Variants in AP5M1 observed in about 807,000 individuals in gnomAD.
AP5M1 encodes adaptor related protein complex 5 subunit mu 1.
AP5M1 carries 44 observed loss-of-function variants against 52.3 expected under a neutral mutation model. The observed-to-expected ratio is 0.84, with a 90% confidence interval of 0.66 to 1.08. The LOEUF is 1.08. Ranked by LOEUF, AP5M1 falls within the 50% of genes least tolerant of loss-of-function variation. The pLI, the probability that AP5M1 is intolerant of heterozygous loss-of-function variation, is 0.00. For synonymous variants in AP5M1, 213 were observed against 199.0 expected, an observed-to-expected ratio of 1.07 and a Z score of -0.59; for missense variants, 526 against 568.4, an observed-to-expected ratio of 0.93 and a Z score of 0.76.
chr14:57,283,060 A>G (rs201222367), intron 5 of AP5M1, 41 bp downstream of exon 5: 2 of 1,567,072 alleles, frequency 1.3e-6, no homozygotes. Context: ...CTTTTCATTT[A>G]CTGTAGAATC....
intron 2 of AP5M1, among the ~76,000 whole-genome samples, chr14:57,279,749 C>T (rs1885127881): frequency 6.6e-6 from 1 of 152,030 alleles, no homozygotes; most frequent in African/African-American, 2.4e-5. Context: ...ACAGGTAATA[C>T]AGAATTGAAG....
In AP5M1 at chr14:57,297,870, A is replaced by G. The variant is rs1389402212; in HGVS notation, c.*8986A>G. On this transcript the variant is annotated 3_prime_UTR_variant, in exon 8 of 8. Transcript: ENST00000261558. Reference sequence around the variant, plus strand: ...AGTAATTAGGGTTTTGCATGTGTATATAGAAAGGCTATTTTGCAAACAGTG... The same window carrying G: ...AGTAATTAGGGTTTTGCATGTGTATGTAGAAAGGCTATTTTGCAAACAGTG... The G allele has an allele frequency of 6.6e-6, 1 of 152,200 alleles. No homozygotes were observed. The highest frequency in any genetic ancestry group is 2.4e-5 in the African/African-American group (1 of 41,462). The allele number at this position is 152,200 out of a possible 1,614,324, so 9.4% of individuals were successfully genotyped here.
rs1156796744 is a variant in AP5M1, at chr14:57,280,414, A to G, written c.940A>G (p.Thr314Ala). 2.5e-6 allele frequency: 4 copies of G among 1,605,254 alleles called. No homozygotes were observed. The highest frequency in any genetic ancestry group is 2.2e-5 in the South Asian group (2 of 90,892). Residue 314 changes from threonine (T) to alanine (A), a missense_variant, in exon 3 of 8, where the codon ACT (threonine) becomes GCT (alanine). This residue lies in a region of AP5M1 where 425 missense variants were observed against 430.6 expected (regional missense o/e 0.99). Transcript: ENST00000261558. ...PLESFNLCFY[T>A]SQVPVPPILG... Reference sequence around the variant, plus strand: ...AGAGTCATTCAACTTATGCTTCTACACTTCCCAGGTAACAACCCTAGAATA... The same window carrying G: ...AGAGTCATTCAACTTATGCTTCTACGCTTCCCAGGTAACAACCCTAGAATA...
At chr14:57,275,878 C>T (rs181731415) in intron 2 of AP5M1, among the ~76,000 whole-genome samples, 10 of 152,298 alleles carry the variant, frequency 6.6e-5, no homozygotes, top group African/African-American at 2.2e-4. Context: ...TCCAGGTAAA[C>T]TTCCTACAAG....
chr14:57,285,557 A>C (rs892078969), intron 6 of AP5M1, among the ~76,000 whole-genome samples: 1 of 152,174 alleles, frequency 6.6e-6, no homozygotes, highest in Non-Finnish European at 1.5e-5. Context: ...AAAATTGCTG[A>C]GAAGATCTGA....
Position 57,296,507 on chromosome 14 carries a change from C to T in AP5M1, c.*7623C>T, listed in dbSNP as rs1209487036. The stretch of plus-strand genomic sequence containing the variant: ...TGTCAATAATCAAAAAATGTTTAAT[C>T]TAAAATAAAGTAGATGCCACGCTTC... On this transcript the variant is annotated 3_prime_UTR_variant, in exon 8 of 8. Coordinates refer to ENST00000261558, the MANE Select transcript of AP5M1 (RefSeq NM_018229.4). 1 of 151,988 alleles carries T rather than the reference C, an allele frequency of 6.6e-6. No homozygotes were observed. Among genetic ancestry groups the T allele is most frequent in the Non-Finnish European group, 1.5e-5 (1 of 67,956 alleles). 9.4% of individuals were successfully genotyped at this position (151,988 alleles called of 1,614,324 possible).
chr14:57,270,541 G>A (rs1016661070), intron 1 of AP5M1, among the ~76,000 whole-genome samples: 3 of 152,094 alleles, frequency 2.0e-5, no homozygotes, highest in Admixed American at 1.3e-4. Context: ...TGTTCCTGAG[G>A]GCATCAGAGT....
At position 57,274,430 on chromosome 14, in the gene AP5M1, G is replaced by A; in HGVS notation, c.261G>A (p.Leu87=). 1 of 1,614,170 alleles carries A rather than the reference G, an allele frequency of 6.2e-7. No individual in the cohort carries two copies. Residue 87 remains leucine (L), a synonymous_variant, in exon 2 of 8, where the codon CTG becomes CTA. Coordinates refer to ENST00000261558, the MANE Select transcript of AP5M1 (RefSeq NM_018229.4). ...ATAAAACATCCATTTATGGACTCCT[G>A]ATAGGAGGTGAAGAACTCTGGCCAG... ...RINKTSIYGL[L]IGGEELWPVV...
chr14:57,287,457 A>G (rs1158164931), intron 7 of AP5M1, among the ~76,000 whole-genome samples: 1 of 152,078 alleles, frequency 6.6e-6, no homozygotes, highest in East Asian at 1.9e-4. Context: ...TTTCTCTTAC[A>G]TCATTTTTTT....
At chr14:57,285,645 G>A (rs1372909145) in intron 6 of AP5M1, among the ~76,000 whole-genome samples, 1 of 152,066 alleles carries the variant, frequency 6.6e-6, no homozygotes, top group African/African-American at 2.4e-5. Context: ...GAAAATTAGC[G>A]CAGCTCATTC....
At chr14:57,273,110 G>T (rs907564727) in intron 1 of AP5M1, among the ~76,000 whole-genome samples, 3 of 151,790 alleles carry the variant, frequency 2.0e-5, no homozygotes, top group Admixed American at 2.0e-4. Context: ...CAGCTAATTT[G>T]TGTATTTTTA....
Position 57,269,074 on chromosome 14 carries a change from A to G in AP5M1, c.-241A>G. ...TACCGGAGTTGCAGGGTATAGGTAAATTTCTCAAGGTTATAGGTTGGGGTT... is the reference window on the plus strand; with the variant it reads ...TACCGGAGTTGCAGGGTATAGGTAAGTTTCTCAAGGTTATAGGTTGGGGTT... On this transcript the variant is annotated 5_prime_UTR_variant, in exon 1 of 8. Transcript: ENST00000261558. 5.3e-6 allele frequency: 3 copies of G among 567,408 alleles called. No homozygotes were observed. The highest frequency in any genetic ancestry group is 2.3e-5 in the South Asian group (1 of 42,992). 35.1% of individuals were successfully genotyped at this position (567,408 alleles called of 1,614,324 possible).
At chr14:57,285,759 A>G (rs1416403927) in intron 6 of AP5M1, among the ~76,000 whole-genome samples, 1 of 152,212 alleles carries the variant, frequency 6.6e-6, no homozygotes, top group Non-Finnish European at 1.5e-5. Context: ...GATCTAGAAT[A>G]TATCATAGCC....
rs1885139274 is a variant in AP5M1, at chr14:57,280,265, A to G, written c.791A>G (p.Gln264Arg). Residue 264 changes from glutamine to arginine, a missense_variant, in exon 3 of 8, where the codon CAG becomes CGG. This residue lies in a region of AP5M1 where 425 missense variants were observed against 430.6 expected (regional missense o/e 0.99). Coordinates refer to ENST00000261558, the MANE Select transcript of AP5M1 (RefSeq NM_018229.4). ...CTCCCCACCAATGGATCTCCACTTC[A>G]GGATATTCTAGTTCACCCTTGTGTA... ...LSLPTNGSPL[Q>R]DILVHPCVTS... The G allele has an allele frequency of 1.9e-6, 3 of 1,613,994 alleles. No homozygotes were observed. In the African/African-American group the frequency reaches 4.0e-5, roughly 22 times the overall value.
chr14:57,284,657 A>C (rs1270570401), intron 6 of AP5M1, among the ~76,000 whole-genome samples: 1 of 152,190 alleles, frequency 6.6e-6, no homozygotes, highest in Admixed American at 6.5e-5. Context: ...AGAGACAAGG[A>C]ATGGTGTTGT....
At position 57,269,134 on chromosome 14, in the gene AP5M1, C is replaced by G. The variant is rs1453091705; in HGVS notation, c.-181C>G. On this transcript the variant is annotated 5_prime_UTR_variant, in exon 1 of 8. Transcript: ENST00000261558. ...TTTTGTGGTGTGTGTTGGCCTAGAG[C>G]GACTCAGAAGCGTTAGTGACTTCAC... 2 of 612,888 alleles carry G rather than the reference C, an allele frequency of 3.3e-6. No individual in the cohort carries two copies. Among genetic ancestry groups the G allele is most frequent in the Non-Finnish European group, 5.8e-6 (2 of 347,106 alleles). 38.0% of individuals were successfully genotyped at this position (612,888 alleles called of 1,614,324 possible).
intron 2 of AP5M1, among the ~76,000 whole-genome samples, chr14:57,276,562 T>C (rs1016831714): frequency 2.8e-4 from 42 of 150,806 alleles, no homozygotes; most frequent in African/African-American, 9.7e-4. Flanking sequence ...GTAACAGAGC[T>C]ATACTCTGTC....
rs1885138487 is a variant in AP5M1, at chr14:57,280,244, C to T, written c.770C>T (p.Pro257Leu). Residue 257 changes from proline to leucine, a missense_variant, in exon 3 of 8, where the codon CCC (proline) becomes CTC (leucine). Pro to Leu is a moderately conservative substitution (Grantham distance 98). This residue lies in a region of AP5M1 where 425 missense variants were observed against 430.6 expected (regional missense o/e 0.99). Transcript: ENST00000261558. The stretch of plus-strand genomic sequence containing the variant: ...AATGTTACCATCAGCTTGAGTCTCC[C>T]CACCAATGGATCTCCACTTCAGGAT... ...MPNVTISLSL[P>L]TNGSPLQDIL... 5 of 1,614,012 alleles carry T rather than the reference C, an allele frequency of 3.1e-6. No homozygotes were observed. Among genetic ancestry groups the T allele is most frequent in the Non-Finnish European group, 4.2e-6 (5 of 1,179,982 alleles).
Position 57,283,095 on chromosome 14 carries a change from G to C in AP5M1, c.1175-17G>C, listed in dbSNP as rs761332373. On this transcript the variant is annotated splice_polypyrimidine_tract_variant and intron_variant, in intron 5 of 7. Coordinates refer to ENST00000261558, the MANE Select transcript of AP5M1 (RefSeq NM_018229.4). ...CTACTTAATTTAGAATTGTTTATTG[G>C]TATATTTGTGTTTTAGGCCAGAAGT... 1.9e-6 allele frequency: 3 copies of C among 1,592,720 alleles called. No homozygotes were observed. The South Asian group carries it at 3.4e-5, about 18-fold the overall frequency.
Sources: gnomAD v4.1 joint callset for allele counts (sites outside exome capture counted in the v4.1 genomes callset) on GRCh38, gnomAD v4.1.1 for gene constraint, gnomAD v4.1.1 regional missense constraint, MANE v1.5 for transcripts, NCBI Gene and HGNC (gene_info 2026-07-23, HGNC 2026-07-21) for gene names.